FAM78B: variants seen among roughly 807,000 people sequenced by gnomAD.
FAM78B encodes the protein family with sequence similarity 78 member B, also known as protein FAM78B.
In FAM78B, 10 loss-of-function variants were observed where a neutral mutation model predicts 20.0. The ratio of observed to expected loss-of-function variants is 0.50; its 90% CI spans 0.31 to 0.85. The LOEUF (loss-of-function observed/expected upper bound fraction) is 0.85, where lower values mean the gene tolerates loss of function less well. Ranked by LOEUF, FAM78B falls within the 40% of genes least tolerant of loss-of-function variation. The pLI, the probability that FAM78B is intolerant of heterozygous loss-of-function variation, is 0.05. For synonymous variants in FAM78B, 135 were observed against 132.8 expected, an observed-to-expected ratio of 1.02 and a Z score of -0.12; for missense variants, 283 against 345.0, an observed-to-expected ratio of 0.82 and a Z score of 1.42.
chr1:166,151,734 AT>A (rs1185384240), intron 1 of FAM78B, among the ~76,000 whole-genome samples: 1 of 152,236 alleles, frequency 6.6e-6, no homozygotes, highest in African/African-American at 2.4e-5. Context: ...CTGTTCAACC[AT>A]TCGGCTAAAG....
chr1:166,110,464 T>C (rs556802784), intron 1 of FAM78B, among the ~76,000 whole-genome samples: 3 of 152,304 alleles, frequency 2.0e-5, no homozygotes, highest in Non-Finnish European at 4.4e-5. Flanking sequence ...TATTGTTCTT[T>C]TTCCCTGTGG....
At chr1:166,104,428 G>A (rs1016657724) in intron 1 of FAM78B, among the ~76,000 whole-genome samples, 11 of 152,226 alleles carry the variant, frequency 7.2e-5, no homozygotes, top group Non-Finnish European at 1.3e-4. Context: ...CTGTTTGCAG[G>A]TGACATGATT....
At chr1:166,083,082 G>T (rs12079541) in intron 1 of FAM78B, among the ~76,000 whole-genome samples, 6,335 of 152,240 alleles carry the variant, frequency 0.042, 442 homozygotes, top group African/African-American at 0.14. Context: ...AGAGGAGATG[G>T]GGAGTGGATG....
At chr1:166,141,186 T>C (rs1208459543) in intron 1 of FAM78B, among the ~76,000 whole-genome samples, 1 of 152,208 alleles carries the variant, frequency 6.6e-6, no homozygotes, top group African/African-American at 2.4e-5. Flanking sequence ...GGTGCTGTGC[T>C]AGGTACTGGG....
chr1:166,106,025 C>A (rs1370512342), intron 1 of FAM78B, among the ~76,000 whole-genome samples: 7 of 150,806 alleles, frequency 4.6e-5, no homozygotes, highest in Admixed American at 6.6e-5. Flanking sequence ...ACTATGCAGC[C>A]ATAAAAAATG....
At chr1:166,075,915 T>G (rs1454802440) in intron 1 of FAM78B, among the ~76,000 whole-genome samples, 1 of 152,158 alleles carries the variant, frequency 6.6e-6, no homozygotes, top group Non-Finnish European at 1.5e-5. Flanking sequence ...AACTTTGGAG[T>G]CACTCTTGGC....
intron 2 of FAM78B, chr1:166,060,711 T>C (rs1651559767): frequency 5.2e-6 from 6 of 1,143,972 alleles, no homozygotes; most frequent in Non-Finnish European, 6.9e-6. Flanking sequence ...ATTAAGACAG[T>C]GATCAAAGAA....
chr1:166,119,937 A>C (rs183398989), intron 1 of FAM78B, among the ~76,000 whole-genome samples: 6 of 152,320 alleles, frequency 3.9e-5, no homozygotes, highest in African/African-American at 1.4e-4. Context: ...AGCATGAAAG[A>C]GAAGATGCGC....
At chr1:166,137,154 AAAAACTT>A (rs1655097293) in intron 1 of FAM78B, among the ~76,000 whole-genome samples, 1 of 152,238 alleles carries the variant, frequency 6.6e-6, no homozygotes, top group Non-Finnish European at 1.5e-5. Context: ...TAGACTGGAA[AAAAACTT>A]GGAGAGCTAG....
intron 1 of FAM78B, among the ~76,000 whole-genome samples, chr1:166,164,024 C>T (rs912278456): frequency 1.3e-5 from 2 of 152,208 alleles, no homozygotes; most frequent in Non-Finnish European, 1.5e-5. Context: ...CATACCTTCC[C>T]TATAGATTCC....
chr1:166,115,433 T>A (rs1571176359), intron 1 of FAM78B, among the ~76,000 whole-genome samples: 1 of 152,302 alleles, frequency 6.6e-6, no homozygotes, highest in East Asian at 1.9e-4. Context: ...GAGTGCTTTG[T>A]GCATCTGAGC....
chr1:166,091,392 G>A (rs6687648), intron 1 of FAM78B, among the ~76,000 whole-genome samples: 150,817 of 152,252 alleles, frequency 0.99, 74,704 homozygotes, highest in Middle Eastern at 1. Context: ...TTCTCATGAT[G>A]GTGAATAAGT....
intron 1 of FAM78B, among the ~76,000 whole-genome samples, chr1:166,086,409 G>A (rs977196440): frequency 2.6e-5 from 4 of 152,114 alleles, no homozygotes; most frequent in East Asian, 1.9e-4. Flanking sequence ...TCTCACTGGC[G>A]CTGGGCAGGG....
intron 1 of FAM78B, among the ~76,000 whole-genome samples, chr1:166,125,614 T>G (rs1654613211): frequency 6.6e-6 from 1 of 152,108 alleles, no homozygotes; most frequent in Admixed American, 6.5e-5. Flanking sequence ...TGGATTGGTT[T>G]TATGACCAAT....
intron 1 of FAM78B, 23 bp from the exon 2 acceptor site, chr1:166,070,786 C>A (rs763837708): frequency 1.3e-6 from 2 of 1,518,840 alleles, no homozygotes; most frequent in Non-Finnish European, 1.8e-6. Context: ...AAGACATGCA[C>A]AAGAAAAGAA....
intron 1 of FAM78B, among the ~76,000 whole-genome samples, chr1:166,084,671 G>T (rs1238437622): frequency 6.6e-6 from 1 of 152,150 alleles, no homozygotes; most frequent in Non-Finnish European, 1.5e-5. Context: ...CTGGGTCCAC[G>T]TCTACTCTCC....
intron 1 of FAM78B, among the ~76,000 whole-genome samples, chr1:166,096,487 T>C (rs1056034454): frequency 6.6e-6 from 1 of 151,750 alleles, no homozygotes; most frequent in African/African-American, 2.4e-5. Context: ...TGGTCAGTGG[T>C]AGCATTTTGT....
intron 1 of FAM78B, among the ~76,000 whole-genome samples, chr1:166,125,515 G>A (rs1410440805): frequency 6.6e-6 from 1 of 152,218 alleles, no homozygotes; most frequent in African/African-American, 2.4e-5. Context: ...AGTCAGATAT[G>A]ATGAGAGAAG....
chr1:166,109,866 G>GTATATA (rs1557903254), intron 1 of FAM78B, among the ~76,000 whole-genome samples: 1 of 17,160 alleles, frequency 5.8e-5, no homozygotes, highest in Non-Finnish European at 1.2e-4. Context: ...ATATATGTAT[G>GTATATA]TGTATATATA....
Sources: allele counts gnomAD v4.1 joint callset (sites outside exome capture counted in the v4.1 genomes callset), GRCh38; gene constraint gnomAD v4.1.1; transcripts MANE v1.5; gene names NCBI Gene and HGNC (gene_info 2026-07-23, HGNC 2026-07-21).